AFF2: variants seen among roughly 807,000 people sequenced by gnomAD.
AFF2 encodes ALF transcription elongation factor 2.
AFF2 carries 14 observed loss-of-function variants against 76.9 expected under a neutral mutation model. The observed-to-expected ratio is 0.18, with a 90% confidence interval of 0.12 to 0.28. AFF2 has a LOEUF of 0.28. Among genes scored for constraint, AFF2 ranks in the 10% least tolerant of loss-of-function variants. The pLI, the probability that AFF2 is intolerant of heterozygous loss-of-function variation, is 1.00. For synonymous variants in AFF2, 398 were observed against 366.7 expected, an observed-to-expected ratio of 1.09 and a Z score of -0.98; for missense variants, 868 against 1,001.1, an observed-to-expected ratio of 0.87 and a Z score of 1.79.
At chrX:148,978,973 G>A (rs377626329) in intron 18 of AFF2, among the ~76,000 whole-genome samples, 2 of 111,858 alleles carry the variant, frequency 1.8e-5, no homozygotes, top group African/African-American at 3.3e-5. Flanking sequence ...AAGCCATATC[G>A]TAGGGAGCTG....
chrX:148,614,786 CT>C (rs1259298679), intron 1 of AFF2, among the ~76,000 whole-genome samples: 2 of 69,736 alleles, frequency 2.9e-5, no homozygotes, highest in Admixed American at 3.3e-4. Flanking sequence ...TTCTTTCTTT[CT>C]TTCTTCCTTT....
chrX:148,722,572 G>T (rs1557263921), intron 3 of AFF2, among the ~76,000 whole-genome samples: 1 of 110,747 alleles, frequency 9.0e-6, no homozygotes, highest in Non-Finnish European at 1.9e-5. Context: ...ACATGGCAAT[G>T]ACTTCTTTCT....
At chrX:148,743,184 G>A (rs1308711121) in intron 3 of AFF2, among the ~76,000 whole-genome samples, 1 of 111,872 alleles carries the variant, frequency 8.9e-6, no homozygotes. Flanking sequence ...ATGGACCAGA[G>A]ATAAACAAAT....
At position 148,633,846 on chromosome X, in the gene AFF2, A is replaced by G. The variant is rs868943212; in HGVS notation, c.48-18153A>G. ...TATCTGTTCAGCCTCCTGTTTACAA[A>G]CCACATGATATAAGAATGCTCTTTT... On this transcript the variant is annotated intron_variant, in intron 1 of 20. Coordinates refer to ENST00000370460, the MANE Select transcript of AFF2 (RefSeq NM_002025.4). Among the ~76,000 whole-genome samples the G allele has an allele frequency of 3.3e-4, 37 of 112,458 alleles. 1 individual carries two copies. Among genetic ancestry groups the G allele is most frequent in the Admixed American group, 1.9e-4 (2 of 10,649 alleles).
At chrX:148,639,141 G>A (rs1346884584) in intron 1 of AFF2, among the ~76,000 whole-genome samples, 1 of 112,091 alleles carries the variant, frequency 8.9e-6, no homozygotes, top group Non-Finnish European at 1.9e-5. Context: ...TGCCTGTCTG[G>A]CCTATTTCTG....
At position 148,997,700 on chromosome X, in the gene AFF2, T is replaced by C. The variant is rs1199709118; in HGVS notation, c.*6368T>C. Reference sequence around the variant, plus strand: ...ATGGTAACATCCGGGTCTGATTTAATTGGCATTACACTTACACAGGGACTC... The same window carrying C: ...ATGGTAACATCCGGGTCTGATTTAACTGGCATTACACTTACACAGGGACTC... On this transcript the variant is annotated 3_prime_UTR_variant, in exon 21 of 21. Coordinates refer to ENST00000370460, the MANE Select transcript of AFF2 (RefSeq NM_002025.4). 9.0e-6 allele frequency: 1 copy of C among 110,881 alleles called. No individual in the cohort carries two copies. Among genetic ancestry groups the C allele is most frequent in the Non-Finnish European group, 1.9e-5 (1 of 52,541 alleles). The allele number at this position is 110,881 out of a possible 1,213,427, so 9.1% of individuals were successfully genotyped here.
At chrX:148,922,758 G>A (rs1163019052) in intron 9 of AFF2, among the ~76,000 whole-genome samples, 2 of 111,343 alleles carry the variant, frequency 1.8e-5, no homozygotes, top group Non-Finnish European at 3.8e-5. Flanking sequence ...CTACTTATCA[G>A]GATGTTCTCA....
In AFF2 at chrX:148,788,732, G is replaced by A. The variant is rs1447298712; in HGVS notation, c.1042-21144G>A. Among the ~76,000 whole-genome samples the A allele has an allele frequency of 2.7e-5, 3 of 112,162 alleles. No homozygotes were observed. The Admixed American group carries it at 2.8e-4, about 11-fold the overall frequency. On this transcript the variant is annotated intron_variant, in intron 3 of 20. Coordinates refer to ENST00000370460, the MANE Select transcript of AFF2 (RefSeq NM_002025.4). Reference sequence around the variant, plus strand: ...GCAGTCTGAGGGCTAGTGCTGTGATGGTAGCGTGTGGAGGGTCTCTCAGGG... The same window carrying A: ...GCAGTCTGAGGGCTAGTGCTGTGATAGTAGCGTGTGGAGGGTCTCTCAGGG...
At chrX:148,528,476 C>T (rs1286104254) in intron 1 of AFF2, among the ~76,000 whole-genome samples, 1 of 111,287 alleles carries the variant, frequency 9.0e-6, no homozygotes, top group Admixed American at 9.6e-5. Flanking sequence ...TAGAAATTCT[C>T]ATGGCGTTCC....
intron 3 of AFF2, among the ~76,000 whole-genome samples, chrX:148,675,215 G>C (rs782629414): frequency 5.0e-4 from 55 of 110,278 alleles, no homozygotes; most frequent in African/African-American, 1.7e-3. Context: ...GACAGGATCT[G>C]TTTAGTTAAG....
At chrX:148,836,675 C>A (rs2070530157) in intron 4 of AFF2, among the ~76,000 whole-genome samples, 1 of 111,191 alleles carries the variant, frequency 9.0e-6, no homozygotes. Flanking sequence ...AACTTATCAT[C>A]TTTCTGTTGC....
intron 1 of AFF2, among the ~76,000 whole-genome samples, chrX:148,622,078 G>C (rs1247238991): frequency 1.8e-5 from 2 of 112,084 alleles, no homozygotes; most frequent in African/African-American, 6.5e-5. Flanking sequence ...GAGTCAAAGT[G>C]AAGTGGGGCA....
chrX:148,567,486 T>G (rs1387609379), intron 1 of AFF2, among the ~76,000 whole-genome samples: 1 of 111,760 alleles, frequency 8.9e-6, no homozygotes, highest in African/African-American at 3.2e-5. Flanking sequence ...CAAGGGTTAT[T>G]TATGGTGACA....
At chrX:148,526,507 A>G (rs1165677412) in intron 1 of AFF2, among the ~76,000 whole-genome samples, 2 of 108,954 alleles carry the variant, frequency 1.8e-5, no homozygotes, top group African/African-American at 6.7e-5. Flanking sequence ...TTCACCTGGT[A>G]CTTTCTCTGC....
chrX:148,964,623 G>T (rs782432198), intron 13 of AFF2, among the ~76,000 whole-genome samples: 1 of 111,798 alleles, frequency 8.9e-6, no homozygotes, highest in East Asian at 2.8e-4. Context: ...AATGGGGGTT[G>T]CAAGCGCCTA....
At chrX:148,598,009 G>C (rs2053591747) in intron 1 of AFF2, among the ~76,000 whole-genome samples, 1 of 111,861 alleles carries the variant, frequency 8.9e-6, no homozygotes, top group Non-Finnish European at 1.9e-5. Context: ...TAGGAGTTGG[G>C]GGATTTTAAA....
intron 4 of AFF2, among the ~76,000 whole-genome samples, chrX:148,816,227 G>A (rs1557272145): frequency 1.8e-5 from 2 of 111,458 alleles, no homozygotes; most frequent in Admixed American, 9.6e-5. Flanking sequence ...GGTGAAACTC[G>A]TGTCTCTGCA....
At chrX:148,977,898 C>T in intron 16 of AFF2, 35 bp from the exon 17 acceptor site, 1 of 1,052,204 alleles carries the variant, frequency 9.5e-7, no homozygotes, top group Non-Finnish European at 1.3e-6. Flanking sequence ...AAGGGTAATA[C>T]AGATTCCACT....
chrX:148,839,832 C>A (rs2070574193), intron 5 of AFF2, among the ~76,000 whole-genome samples: 1 of 109,133 alleles, frequency 9.2e-6, no homozygotes, highest in African/African-American at 3.3e-5. Flanking sequence ...CTGCCATTTG[C>A]TTGCTGTGTG....
Sources: gnomAD v4.1 joint callset for allele counts (sites outside exome capture counted in the v4.1 genomes callset) on GRCh38, gnomAD v4.1.1 for gene constraint, MANE v1.5 for transcripts, NCBI Gene and HGNC (gene_info 2026-07-23, HGNC 2026-07-21) for gene names.